PIK3C2A: variants seen among roughly 807,000 people sequenced by gnomAD.
PIK3C2A encodes the protein phosphatidylinositol 4-phosphate 3-kinase C2 domain-containing subunit alpha.
Under a neutral mutation model 204.5 loss-of-function variants are expected in PIK3C2A, and 97 were observed. The observed-to-expected ratio is 0.47, with a 90% CI of 0.40 to 0.56. PIK3C2A has a LOEUF of 0.56. Among genes scored for constraint, PIK3C2A ranks in the 20% least tolerant of loss-of-function variants. The pLI, the probability that PIK3C2A is intolerant of heterozygous loss-of-function variation, is 0.00. For missense variants in PIK3C2A, 1,735 were observed against 1,969.2 expected, an observed-to-expected ratio of 0.88 and a Z score of 2.25; for synonymous variants, 653 against 664.4, an observed-to-expected ratio of 0.98 and a Z score of 0.26.
At chr11:17,138,409 T>G in intron 8 of PIK3C2A, 2 of 364,362 alleles carry the variant, frequency 5.5e-6, no homozygotes, top group Non-Finnish European at 5.2e-6. Context: ...TATGTTCTCC[T>G]ACCTGACACC....
chr11:17,122,908 T>A (rs750546798), intron 13 of PIK3C2A, 95 bp from the exon 14 acceptor site: 71 of 606,168 alleles, frequency 1.2e-4, no homozygotes, highest in Non-Finnish European at 1.6e-4. Flanking sequence ...TAGTATGAGA[T>A]CAACTAAATA....
intron 8 of PIK3C2A, among the ~76,000 whole-genome samples, chr11:17,139,794 T>C (rs17641418): frequency 0.24 from 36,289 of 152,052 alleles, 5,345 homozygotes; most frequent in East Asian, 0.38. Flanking sequence ...TTGCTTCCAG[T>C]CCTCACACTC....
Position 17,188,523 on chromosome 11 carries a change from A to G in PIK3C2A, c.-65-18717T>C, listed in dbSNP as rs1054088836. On this transcript the variant is annotated intron_variant, in intron 1 of 32. Coordinates refer to ENST00000691414, the MANE Select transcript of PIK3C2A (RefSeq NM_002645.4). ...TAAGAAGAAACAAACCAGACTTTTA[A>G]GAAATTTTTAATGCCAAATGTAGGC... 7.5e-5 allele frequency among the ~76,000 whole-genome samples: 11 copies of G among 147,006 alleles called. 2 individuals are homozygous for G. Among genetic ancestry groups the G allele is most frequent in the African/African-American group, 3.0e-4 (11 of 36,582 alleles).
chr11:17,121,786 T>TA (rs1317448730), intron 15 of PIK3C2A, among the ~76,000 whole-genome samples: 1 of 152,082 alleles, frequency 6.6e-6, no homozygotes, highest in Admixed American at 6.5e-5. Context: ...TGTTCCTACT[T>TA]AGTCTCCTTG....
intron 1 of PIK3C2A, among the ~76,000 whole-genome samples, chr11:17,187,466 C>A (rs1483401756): frequency 1.3e-5 from 2 of 152,048 alleles, no homozygotes; most frequent in East Asian, 3.9e-4. Context: ...AGGTGTGTGA[C>A]CATCACTACC....
chr11:17,110,309 C>T, intron 22 of PIK3C2A, 123 bp downstream of exon 22: 1 of 675,190 alleles, frequency 1.5e-6, no homozygotes, highest in Non-Finnish European at 2.4e-6. Context: ...TAAAGTAACA[C>T]TGGATTAAAA....
chr11:17,094,580 T>C (rs1250250457), intron 27 of PIK3C2A, among the ~76,000 whole-genome samples, 195 bp from the exon 28 acceptor site: 1 of 151,920 alleles, frequency 6.6e-6, no homozygotes, highest in Non-Finnish European at 1.5e-5. Flanking sequence ...AAAAATTAGC[T>C]GGGCATAGTG....
chr11:17,137,698 T>C (rs1348330190), intron 8 of PIK3C2A, among the ~76,000 whole-genome samples: 1 of 152,122 alleles, frequency 6.6e-6, no homozygotes, highest in Non-Finnish European at 1.5e-5. Context: ...CGTGAGCCAC[T>C]GCGCCTGGCC....
At chr11:17,160,905 C>G (rs1402524174) in intron 2 of PIK3C2A, among the ~76,000 whole-genome samples, 1 of 151,844 alleles carries the variant, frequency 6.6e-6, no homozygotes, top group Non-Finnish European at 1.5e-5. Flanking sequence ...ACAAAAAAAA[C>G]AGTTAAGTTT....
At chr11:17,107,119 C>T (rs1344529306) in intron 22 of PIK3C2A, among the ~76,000 whole-genome samples, 1 of 152,112 alleles carries the variant, frequency 6.6e-6, no homozygotes, top group African/African-American at 2.4e-5. Flanking sequence ...CGAGACCATC[C>T]TGGCTAACAT....
chr11:17,101,752 C>T (rs531450673), intron 24 of PIK3C2A, among the ~76,000 whole-genome samples: 120 of 151,632 alleles, frequency 7.9e-4, no homozygotes, highest in East Asian at 3.3e-3. Context: ...CACAGGGGCC[C>T]GCCACCACGC....
At chr11:17,196,570 T>C (rs944013741) in intron 1 of PIK3C2A, among the ~76,000 whole-genome samples, 7 of 151,816 alleles carry the variant, frequency 4.6e-5, no homozygotes, top group African/African-American at 1.7e-4. Flanking sequence ...GAGGATACTA[T>C]TATTATTATT....
intron 1 of PIK3C2A, among the ~76,000 whole-genome samples, chr11:17,197,451 C>T (rs1852200882): frequency 6.6e-6 from 1 of 152,130 alleles, no homozygotes; most frequent in Non-Finnish European, 1.5e-5. Flanking sequence ...GCTTAATATC[C>T]ACTAGTAGTC....
chr11:17,109,695 C>G (rs762845109), intron 22 of PIK3C2A, among the ~76,000 whole-genome samples: 14 of 152,248 alleles, frequency 9.2e-5, no homozygotes, highest in Middle Eastern at 3.4e-3. Flanking sequence ...TCCAGAGCAG[C>G]TGAGACTATT....
At chr11:17,096,282 C>T (rs543866545) in intron 27 of PIK3C2A, among the ~76,000 whole-genome samples, 1 of 152,124 alleles carries the variant, frequency 6.6e-6, no homozygotes, top group Non-Finnish European at 1.5e-5. Flanking sequence ...CAGGTGATCA[C>T]CTGCCTCGGG....
In PIK3C2A at chr11:17,086,814, T is replaced by C. The variant is rs998831760; in HGVS notation, c.*2924A>G. On this transcript the variant is annotated 3_prime_UTR_variant, in exon 33 of 33. Coordinates refer to ENST00000691414, the MANE Select transcript of PIK3C2A (RefSeq NM_002645.4). ...ATGATAGTGGGGGTTCAGTCCTTTTTGATCTGAAGTCTAAGTTTCAAAAGT... is the reference window on the plus strand; with the variant it reads ...ATGATAGTGGGGGTTCAGTCCTTTTCGATCTGAAGTCTAAGTTTCAAAAGT... 3.3e-5 allele frequency: 5 copies of C among 152,204 alleles called. No individual in the cohort carries two copies. Among genetic ancestry groups the C allele is most frequent in the Non-Finnish European group, 7.4e-5 (5 of 68,016 alleles). The allele number at this position is 152,204 out of a possible 1,614,324, so 9.4% of individuals were successfully genotyped here. A position where few individuals can be genotyped will look rare whatever the true frequency, so the allele number is the denominator to read the frequency against.
intron 2 of PIK3C2A, among the ~76,000 whole-genome samples, chr11:17,160,988 A>G (rs1850754979): frequency 6.6e-6 from 1 of 152,224 alleles, no homozygotes. Context: ...CAGTTCACAC[A>G]TGGATGGCCT....
chr11:17,168,079 A>G (rs1305304320), intron 2 of PIK3C2A, among the ~76,000 whole-genome samples: 3 of 152,230 alleles, frequency 2.0e-5, no homozygotes, highest in Admixed American at 2.0e-4. Flanking sequence ...AGACATGGAC[A>G]GACAAATTTA....
At chr11:17,091,301 C>A in intron 32 of PIK3C2A, 33 bp downstream of exon 32, 12 of 1,576,832 alleles carry the variant, frequency 7.6e-6, no homozygotes, top group Non-Finnish European at 1.0e-5. Flanking sequence ...AAATAATAAA[C>A]CAAGGAAACT....
Sources: gnomAD v4.1 joint callset for allele counts (sites outside exome capture counted in the v4.1 genomes callset) on GRCh38, gnomAD v4.1.1 for gene constraint, MANE v1.5 for transcripts, NCBI Gene and HGNC (gene_info 2026-07-23, HGNC 2026-07-21) for gene names.